The following RPRD2 variants were observed in gnomAD, a reference collection of about 807,000 sequenced individuals.
RPRD2 encodes regulation of nuclear pre-mRNA domain containing 2.
In RPRD2, 12 loss-of-function variants were observed where a neutral mutation model predicts 104.4. The ratio of observed to expected loss-of-function variants is 0.11; its 90% CI spans 0.07 to 0.19. The LOEUF is 0.19. Ranked by LOEUF, RPRD2 falls within the 10% of genes least tolerant of loss-of-function variation. The pLI is 1.00. For synonymous variants in RPRD2, 714 were observed against 684.9 expected (o/e 1.04, Z -0.66); for missense variants, 1,543 against 1,790.1 (o/e 0.86, Z 2.49).
intron 8 of RPRD2, 69 bp downstream of exon 8, chr1:150,457,639 C>A: frequency 1.6e-6 from 2 of 1,252,242 alleles, no homozygotes; most frequent in Non-Finnish European, 2.3e-6. Context: ...ATGAATACAT[C>A]ACAGGCAGGT....
At chr1:150,464,173 C>T (rs1668112182) in intron 9 of RPRD2, among the ~76,000 whole-genome samples, 2 of 151,972 alleles carry the variant, frequency 1.3e-5, no homozygotes, top group Non-Finnish European at 2.9e-5. Flanking sequence ...CCATACCCGG[C>T]TAATTTTTTA....
intron 1 of RPRD2, among the ~76,000 whole-genome samples, chr1:150,373,009 CTCTTTTTTTT>C (rs1479088646): frequency 1.1e-4 from 17 of 151,634 alleles, no homozygotes; most frequent in Non-Finnish European, 2.2e-4. Context: ...AGGAGATGAA[CTCTTTTTTTT>C]TCTTTTTTTT....
intron 1 of RPRD2, among the ~76,000 whole-genome samples, chr1:150,409,892 A>G (rs1420426680): frequency 2.6e-5 from 4 of 152,092 alleles, no homozygotes; most frequent in Admixed American, 6.6e-5. Flanking sequence ...TGATCCACCC[A>G]TCTTGGCCTC....
chr1:150,460,546 G>A (rs1667861514), intron 9 of RPRD2, among the ~76,000 whole-genome samples: 1 of 151,822 alleles, frequency 6.6e-6, no homozygotes, highest in Admixed American at 6.6e-5. Flanking sequence ...GGGATTACAG[G>A]CACCTGCTAC....
chr1:150,468,468 A>G (rs1363826149), intron 10 of RPRD2, among the ~76,000 whole-genome samples: 1 of 152,222 alleles, frequency 6.6e-6, no homozygotes, highest in Non-Finnish European at 1.5e-5. Flanking sequence ...TGAAGAAGTT[A>G]TCCCAAAATA....
chr1:150,460,929 T>G (rs1300815529), intron 9 of RPRD2, among the ~76,000 whole-genome samples: 2 of 151,038 alleles, frequency 1.3e-5, no homozygotes, highest in Non-Finnish European at 3.0e-5. Context: ...TTCACCATGT[T>G]GGTCAGGCTG....
At chr1:150,394,653 A>G (rs1206248668) in intron 1 of RPRD2, among the ~76,000 whole-genome samples, 1 of 151,684 alleles carries the variant, frequency 6.6e-6, no homozygotes, top group Non-Finnish European at 1.5e-5. Flanking sequence ...GTGCAGTGGC[A>G]TGATCTCGGC....
At chr1:150,423,345 C>CT (rs1553890056) in intron 2 of RPRD2, among the ~76,000 whole-genome samples, 2 of 152,068 alleles carry the variant, frequency 1.3e-5, no homozygotes, top group East Asian at 3.9e-4. Flanking sequence ...TGAGGGTTTG[C>CT]TTGTATTGTG....
chr1:150,429,673 G>C (rs918108296), intron 2 of RPRD2, among the ~76,000 whole-genome samples: 9 of 152,098 alleles, frequency 5.9e-5, no homozygotes, highest in Admixed American at 2.0e-4. Flanking sequence ...CATTCATTCA[G>C]CTACTATTTA....
intron 2 of RPRD2, among the ~76,000 whole-genome samples, chr1:150,431,587 TCTC>T (rs1170928130): frequency 2.7e-5 from 4 of 149,790 alleles, no homozygotes; most frequent in South Asian, 4.2e-4. Context: ...TTCAAGCAAT[TCTC>T]CTGCCTCAGC....
intron 9 of RPRD2, among the ~76,000 whole-genome samples, chr1:150,462,003 G>T (rs1178833370): frequency 6.6e-6 from 1 of 150,418 alleles, no homozygotes; most frequent in Non-Finnish European, 1.5e-5. Flanking sequence ...CAAAAATTAG[G>T]CCAGGTTTGG....
chr1:150,394,345 A>G (rs997480584), intron 1 of RPRD2, among the ~76,000 whole-genome samples: 3 of 151,728 alleles, frequency 2.0e-5, no homozygotes, highest in Non-Finnish European at 4.4e-5. Context: ...CCACTGCACC[A>G]GGCCTGAATT....
chr1:150,400,416 T>G (rs1412425533), intron 1 of RPRD2, among the ~76,000 whole-genome samples: 2 of 152,204 alleles, frequency 1.3e-5, no homozygotes, highest in African/African-American at 4.8e-5. Context: ...AGTTCCCAAC[T>G]GGAAGAGACT....
At chr1:150,440,154 C>T (rs782362452) in intron 2 of RPRD2, among the ~76,000 whole-genome samples, 1 of 152,276 alleles carries the variant, frequency 6.6e-6, no homozygotes, top group Admixed American at 6.5e-5. Context: ...CTCTGTTTCT[C>T]AGGCTGGTCT....
At chr1:150,453,476 T>C (rs886683307) in intron 7 of RPRD2, among the ~76,000 whole-genome samples, 1 of 152,220 alleles carries the variant, frequency 6.6e-6, no homozygotes, top group Non-Finnish European at 1.5e-5. Flanking sequence ...TTCTCATTTT[T>C]GGGTCCATTC....
intron 7 of RPRD2, among the ~76,000 whole-genome samples, chr1:150,451,846 G>A (rs1553896635): frequency 6.6e-6 from 1 of 150,806 alleles, no homozygotes; most frequent in East Asian, 2.0e-4. Context: ...GTCCATATAA[G>A]AAGAGGGAAA....
chr1:150,473,292 G>T lies in RPRD2; in HGVS notation c.4344G>T (p.Pro1448=), dbSNP rs375980931. The part of the protein sequence containing the change: ...RPRPPFARGP[P]FFAPKRPFFP... ...GGCCACCTTTTGCTAGGGGCCCTCC[G>T]TTCTTTGCACCAAAACGCCCATTCT... The change falls in exon 11 of 11, where the codon CCG becomes CCT. Residue 1448 remains proline, a synonymous_variant. Coordinates refer to ENST00000369068, the MANE Select transcript of RPRD2 (RefSeq NM_015203.5). 2 of 1,613,110 alleles carry T rather than the reference G, an allele frequency of 1.2e-6. No individual in the cohort carries two copies. The highest frequency in any genetic ancestry group is 1.7e-6 in the Non-Finnish European group (2 of 1,179,588).
Position 150,473,432 on chromosome 1 carries a change from T to A in RPRD2, c.*98T>A. The A allele has an allele frequency of 2.4e-6, 2 of 824,996 alleles. No individual in the cohort carries two copies. The highest frequency in any genetic ancestry group is 3.1e-5 in the South Asian group (1 of 32,080). The allele number at this position is 824,996 out of a possible 1,614,324, so 51.1% of individuals were successfully genotyped here. On this transcript the variant is annotated 3_prime_UTR_variant, in exon 11 of 11. Transcript: ENST00000369068. ...TTTTTATTTGTTTTCTCTTTCTCGA[T>A]TTTTTTTTTATTATAACAAAGGGCC...
chr1:150,396,782 T>C (rs782491228), intron 1 of RPRD2, among the ~76,000 whole-genome samples: 3 of 152,092 alleles, frequency 2.0e-5, no homozygotes, highest in Non-Finnish European at 4.4e-5. Context: ...CATTACCTGA[T>C]TTCAAACTAT....
Sources: allele counts gnomAD v4.1 joint callset (sites outside exome capture counted in the v4.1 genomes callset), GRCh38; gene constraint gnomAD v4.1.1; transcripts MANE v1.5; gene names NCBI Gene and HGNC (gene_info 2026-07-23, HGNC 2026-07-21).